The following KCNH2 variants were observed in gnomAD, a reference collection of about 807,000 sequenced individuals.
KCNH2 encodes the protein voltage-gated inwardly rectifying potassium channel KCNH2.
A neutral mutation model predicts 95.9 loss-of-function variants in KCNH2; 35 were observed. The ratio of observed to expected loss-of-function variants is 0.37; its 90% CI spans 0.28 to 0.48. The LOEUF (loss-of-function observed/expected upper bound fraction) is 0.48. Ranked by LOEUF, KCNH2 falls within the 20% of genes least tolerant of loss-of-function variation. The probability of loss-of-function intolerance (pLI) is 0.99; values close to 1 mark genes in which losing one functional copy is unlikely to be tolerated. For missense variants in KCNH2, 1,274 were observed against 1,702.9 expected (o/e 0.75, Z 4.43); for synonymous variants, 786 against 754.7 (o/e 1.04, Z -0.68).
chr7:150,955,114 T>G (rs752214430), intron 5 of KCNH2, among the ~76,000 whole-genome samples: 2 of 152,210 alleles, frequency 1.3e-5, no homozygotes, highest in Non-Finnish European at 2.9e-5. Flanking sequence ...GGCACCCATC[T>G]CATTCCTGTC....
rs775317201 is a variant in KCNH2 at position 150,977,888 on chromosome 7, G to A, written c.26C>T (p.Ala9Val). ...GGTGTCCAGGAAGGTGTTCTGCGGC[G>A]CGACGTGGCCCCTCCGCACCGGCAT... MPVRRGHV[A>V]PQNTFLDTII... Residue 9 changes from alanine to valine, a missense_variant, in exon 1 of 15, where the codon GCG becomes GTG. By Grantham distance (64) the Ala-to-Val change is moderately conservative (BLOSUM62 0). Transcript: ENST00000262186. 1.2e-5 allele frequency: 20 copies of A among 1,605,404 alleles called. No individual in the cohort carries two copies. Among genetic ancestry groups the A allele is most frequent in the East Asian group, 2.3e-5 (1 of 44,426 alleles).
rs1584886265 is a variant in KCNH2, at chr7:150,978,145, G to C, written c.-232C>G. 2 of 148,062 alleles carry C rather than the reference G, an allele frequency of 1.4e-5. No individual in the cohort carries two copies. The highest frequency in any genetic ancestry group is 2.5e-5 in the African/African-American group (1 of 40,352). 9.2% of individuals were successfully genotyped at this position (148,062 alleles called of 1,614,324 possible). ...GCCTGAGCGCGAGCCGCCCGCCGCCGGCACACCTGTCTGCCGGCCCCCGCC... is the reference window on the plus strand; with the variant it reads ...GCCTGAGCGCGAGCCGCCCGCCGCCCGCACACCTGTCTGCCGGCCCCCGCC... On this transcript the variant is annotated 5_prime_UTR_variant, in exon 1 of 15. Coordinates refer to ENST00000262186, the MANE Select transcript of KCNH2 (RefSeq NM_000238.4).
At chr7:150,948,363 G>A (rs1800996340) in intron 11 of KCNH2, 81 bp downstream of exon 11, 10 of 1,155,150 alleles carry the variant, frequency 8.7e-6, no homozygotes, top group Non-Finnish European at 1.2e-5. Flanking sequence ...CCTGGGTAAA[G>A]CAGACACGGC....
intron 1 of KCNH2, among the ~76,000 whole-genome samples, chr7:150,977,055 G>A (rs1801997397): frequency 6.6e-6 from 1 of 152,100 alleles, no homozygotes; most frequent in Non-Finnish European, 1.5e-5. Flanking sequence ...CCACCCCCAG[G>A]ACATTTGCCT....
At position 150,958,421 on chromosome 7, in the gene KCNH2, G is replaced by A. The variant is rs1801459842; in HGVS notation, c.554C>T (p.Ala185Val). 3 of 1,444,240 alleles carry A rather than the reference G, an allele frequency of 2.1e-6. No homozygotes were observed. The highest frequency in any genetic ancestry group is 1.5e-5 in the African/African-American group (1 of 67,034). The allele number at this position is 1,444,240 out of a possible 1,614,324, so 89.5% of individuals were successfully genotyped here. ...GGCCCCCGGGGCGCCCGCGCCGCCCGCGCCGCCCGACCGCACCGACGACTC... is the reference window on the plus strand; with the variant it reads ...GGCCCCCGGGGCGCCCGCGCCGCCCACGCCGCCCGACCGCACCGACGACTC... ...ARESSVRSGGAGGAGAPGAVV... is the reference protein window; with the variant it reads ...ARESSVRSGGVGGAGAPGAVV... The change falls in exon 4 of 15, where the codon GCG (alanine) becomes GTG (valine). Residue 185 changes from alanine (A) to valine (V), a missense_variant. Ala to Val is a moderately conservative substitution (Grantham distance 64). This residue lies in a region of KCNH2 where 392 missense variants were observed against 429.9 expected (regional missense o/e 0.91). Coordinates refer to ENST00000262186, the MANE Select transcript of KCNH2 (RefSeq NM_000238.4).
At chr7:150,955,477 G>A (rs2116987233) in intron 5 of KCNH2, 2 of 1,554,244 alleles carry the variant, frequency 1.3e-6, no homozygotes, top group Non-Finnish European at 1.7e-6. Flanking sequence ...CCCCTGTCCT[G>A]CTCGCCTTCC....
At chr7:150,955,569 C>A in intron 5 of KCNH2, 2 of 1,490,828 alleles carry the variant, frequency 1.3e-6, no homozygotes, top group Non-Finnish European at 9.0e-7. Flanking sequence ...GCCTCACCTG[C>A]ACCCCAGCAG....
chr7:150,947,569 G>A (rs547788771), intron 12 of KCNH2, 37 bp downstream of exon 12: 22 of 1,607,894 alleles, frequency 1.4e-5, no homozygotes, highest in Middle Eastern at 1.7e-4. Flanking sequence ...CCGCTGCCAC[G>A]CCCGGTCCTC....
chr7:150,949,687 C>G, intron 9 of KCNH2: 1 of 1,150,082 alleles, frequency 8.7e-7, no homozygotes. Context: ...GGAGGAAGTC[C>G]TCAGTGTCCA....
intron 11 of KCNH2, 140 bp from the exon 12 acceptor site, chr7:150,948,018 T>G: frequency 9.4e-7 from 1 of 1,066,714 alleles, no homozygotes; most frequent in East Asian, 2.6e-5. Context: ...TCTTCTGCTA[T>G]CTTGCACCCA....
intron 11 of KCNH2, among the ~76,000 whole-genome samples, chr7:150,948,144 C>T (rs1239186083): frequency 2.0e-5 from 3 of 152,242 alleles, no homozygotes; most frequent in Non-Finnish European, 4.4e-5. Context: ...CGTTGGCTCC[C>T]TGGCCCTCCT....
At chr7:150,972,447 A>C (rs1300327364) in intron 2 of KCNH2, among the ~76,000 whole-genome samples, 1 of 152,214 alleles carries the variant, frequency 6.6e-6, no homozygotes, top group African/African-American at 2.4e-5. Context: ...TGAGTGTTTC[A>C]AGGCAGAAGA....
rs189180737 is a variant in KCNH2, at chr7:150,959,758, C to A, written c.308-22G>T. On this transcript the variant is annotated intron_variant, in intron 2 of 14. Coordinates refer to ENST00000262186, the MANE Select transcript of KCNH2 (RefSeq NM_000238.4). ...CTCCCTGCAGAGTGGGAGGACATAG[C>A]CCCCTTGGCACCCACTCAGTGGGCA... 5 of 1,611,886 alleles carry A rather than the reference C, an allele frequency of 3.1e-6. No individual in the cohort carries two copies. The African/African-American group carries it at 4.0e-5, about 13-fold the overall frequency.
rs769814960 is a variant in KCNH2 at position 150,952,804 on chromosome 7, G to A, written c.1178C>T (p.Pro393Leu). 9 of 1,614,030 alleles carry A rather than the reference G, an allele frequency of 5.6e-6. No homozygotes were observed. Among genetic ancestry groups the A allele is most frequent in the East Asian group, 4.5e-5 (2 of 44,870 alleles). ...DVLPEYKLQA[P>L]RIHRWTILHY... is the part of the protein sequence containing the mutation. ...CAGGATGGTCCAGCGGTGGATGCGC[G>A]GTGCCTGCAGCTTGTACTCAGGCAG... The change falls in exon 6 of 15, where the codon CCG becomes CTG. Residue 393 changes from proline (P) to leucine (L), a missense_variant. Around this residue, in one of 7 missense-constraint regions of KCNH2, gnomAD observed 392 missense variants for 429.9 expected, o/e 0.91. Transcript: ENST00000262186. The surrounding 1 kb of genome is among the most constrained non-coding windows in gnomAD (Gnocchi z 7.3).
In KCNH2 at chr7:150,947,842, G is replaced by C; in HGVS notation, c.2729C>G (p.Pro910Arg). ...ACTCGGCCCTGCCCCCGCCCGGCCCGGCCCCAAGGCCGACACCTCCCCTGG... is the reference window on the plus strand; with the variant it reads ...ACTCGGCCCTGCCCCCGCCCGGCCCCGCCCCAAGGCCGACACCTCCCCTGG... ...EQPGEVSALG[P>R]GRAGAGPSSR... The change falls in exon 12 of 15, where the codon CCG (proline) becomes CGG (arginine). Residue 910 changes from proline (P) to arginine (R), a missense_variant. Pro to Arg is a moderately radical substitution (Grantham distance 103). Around this residue, in one of 7 missense-constraint regions of KCNH2, gnomAD observed 457 missense variants for 416.1 expected, o/e 1.10. Transcript: ENST00000262186. The C allele has an allele frequency of 6.6e-7, 1 of 1,525,476 alleles. No homozygotes were observed. The highest frequency in any genetic ancestry group is 2.5e-5 in the East Asian group (1 of 40,718). 94.5% of individuals were successfully genotyped at this position (1,525,476 alleles called of 1,614,324 possible).
At position 150,946,909 on chromosome 7, in the gene KCNH2, G is replaced by A; in HGVS notation, c.3298C>T (p.Leu1100Phe). 1 of 1,598,208 alleles carries A rather than the reference G, an allele frequency of 6.3e-7. No homozygotes were observed. The highest frequency in any genetic ancestry group is 8.5e-7 in the Non-Finnish European group (1 of 1,169,648). ...AGCGAGTCCAAGGTGAGGGTGGGGA[G>A]GGGGCTGACGGGCAACAGCGGGGAT... ...STSPLLPVSP[L>F]PTLTLDSLSQ... Residue 1100 changes from leucine (L) to phenylalanine (F), a missense_variant, in exon 14 of 15, where the codon CTC (leucine) becomes TTC (phenylalanine). This residue lies in a region of KCNH2 where 457 missense variants were observed against 416.1 expected (regional missense o/e 1.10). Transcript: ENST00000262186. The surrounding 1 kb of genome is among the most constrained non-coding windows in gnomAD (Gnocchi z 6.5).
In KCNH2 at chr7:150,958,485, G is replaced by A. The variant is rs1311655951; in HGVS notation, c.490C>T (p.Arg164Cys). The change falls in exon 4 of 15, where the codon CGC becomes TGC. Residue 164 changes from arginine to cysteine, a missense_variant. Arg to Cys is a radical substitution (Grantham distance 180). Coordinates refer to ENST00000262186, the MANE Select transcript of KCNH2 (RefSeq NM_000238.4). The part of the protein sequence containing the change: ...WLAPGRAKTF[R>C]LKLPALLALT... ...GCCAGCAGCGCGGGCAGCTTCAGGCGGAAGGTCTTGGCGCGGCCTGCGGGA... is the reference window on the plus strand; with the variant it reads ...GCCAGCAGCGCGGGCAGCTTCAGGCAGAAGGTCTTGGCGCGGCCTGCGGGA... The A allele has an allele frequency of 6.8e-7, 1 of 1,472,484 alleles. No individual in the cohort carries two copies. The highest frequency in any genetic ancestry group is 3.0e-5 in the East Asian group (1 of 33,760). The allele number at this position is 1,472,484 out of a possible 1,614,324, so 91.2% of individuals were successfully genotyped here.
In KCNH2 at chr7:150,952,956, C is replaced by CA. The variant is rs997093433; in HGVS notation, c.1129-104dup. 4.4e-6 allele frequency: 5 copies of CA among 1,135,852 alleles called. No individual in the cohort carries two copies. Among genetic ancestry groups the CA allele is most frequent in the South Asian group, 1.4e-5 (1 of 70,278 alleles). 70.4% of individuals were successfully genotyped at this position (1,135,852 alleles called of 1,614,324 possible). ...GGGCCAAGCAGAATGAGGAGGAGGCCAAAAAAAGCTTCCATCAGAATGCCC... is the reference window on the plus strand; with the variant it reads ...GGGCCAAGCAGAATGAGGAGGAGGCCAAAAAAAAGCTTCCATCAGAATGCCC... On this transcript the variant is annotated intron_variant, in intron 5 of 14. Coordinates refer to ENST00000262186, the MANE Select transcript of KCNH2 (RefSeq NM_000238.4). This position sits in a 1 kb window ranked among gnomAD's most constrained non-coding sequence, Gnocchi z 7.3.
chr7:150,974,188 C>A (rs41308996), intron 2 of KCNH2, among the ~76,000 whole-genome samples: 6 of 152,032 alleles, frequency 3.9e-5, no homozygotes, highest in Admixed American at 3.9e-4. Flanking sequence ...CCAGGTGCTG[C>A]TGAAGCGCAG....
Sources: allele counts gnomAD v4.1 joint callset (sites outside exome capture counted in the v4.1 genomes callset), GRCh38; gene constraint gnomAD v4.1.1; regional missense constraint gnomAD v4.1.1; non-coding constraint Gnocchi (gnomAD v3.1); transcripts MANE v1.5; gene names NCBI Gene and HGNC (gene_info 2026-07-23, HGNC 2026-07-21).